MTCL1: variants seen among roughly 807,000 people sequenced by gnomAD.
MTCL1 encodes the protein microtubule cross-linking factor 1.
In MTCL1, 79 loss-of-function variants were observed where a neutral mutation model predicts 141.4. That is an observed-to-expected ratio of 0.56 (90% confidence interval 0.47 to 0.67). MTCL1 has a LOEUF of 0.67. Among genes scored for constraint, MTCL1 ranks in the 30% least tolerant of loss-of-function variants. The probability of loss-of-function intolerance (pLI) is 0.00; values close to 1 mark genes in which losing one functional copy is unlikely to be tolerated. For missense variants in MTCL1, 2,177 were observed against 2,113.9 expected, an observed-to-expected ratio of 1.03 and a Z score of -0.59; for synonymous variants, 914 against 875.8, an observed-to-expected ratio of 1.04 and a Z score of -0.77.
intron 10 of MTCL1, among the ~76,000 whole-genome samples, chr18:8,806,612 C>T (rs572034142): frequency 1.8e-4 from 27 of 152,260 alleles, no homozygotes; most frequent in Admixed American, 3.9e-4. Context: ...GCCCAGGTTC[C>T]GGCGTCTGAA....
chr18:8,794,738 T>C (rs2075855020), intron 8 of MTCL1, among the ~76,000 whole-genome samples: 1 of 152,220 alleles, frequency 6.6e-6, no homozygotes, highest in Non-Finnish European at 1.5e-5. Context: ...GTTTTGTTTC[T>C]TAGATTATAG....
intron 4 of MTCL1, among the ~76,000 whole-genome samples, chr18:8,740,917 C>A (rs966580518): frequency 1.3e-5 from 2 of 152,162 alleles, no homozygotes; most frequent in Non-Finnish European, 2.9e-5. Flanking sequence ...TCCTAGTTGC[C>A]CTTACATTTG....
Position 8,705,977 on chromosome 18 carries a change from G to T in MTCL1, c.317G>T (p.Gly106Val). 8.8e-7 allele frequency: 1 copy of T among 1,136,324 alleles called. No individual in the cohort carries two copies. Among genetic ancestry groups the T allele is most frequent in the Non-Finnish European group, 1.1e-6 (1 of 928,540 alleles). The allele number at this position is 1,136,324 out of a possible 1,614,324, so 70.4% of individuals were successfully genotyped here. The change falls in exon 1 of 14, where the codon GGC becomes GTC. Residue 106 changes from glycine to valine, a missense_variant. By Grantham distance (109) the Gly-to-Val change is moderately radical (BLOSUM62 -3). Transcript: ENST00000306329. This position sits in a 1 kb window ranked among gnomAD's most constrained non-coding sequence, Gnocchi z 5.2. ...TCTCGGCGCAGTGGCGGCGTCCCGG[G>T]CGCGAAGGACAAGCCCCCGCCGGGC...
At chr18:8,793,244 C>T (rs1056357766) in intron 8 of MTCL1, 124 bp downstream of exon 7, 13 of 1,352,538 alleles carry the variant, frequency 9.6e-6, no homozygotes, top group Middle Eastern at 1.9e-4. Context: ...CTCCTGGGCA[C>T]GTATGGAAAG....
upstream of MTCL1, among the ~76,000 whole-genome samples, chr18:8,713,197 A>G (rs138004270): frequency 8.1e-3 from 1,227 of 152,310 alleles, 12 homozygotes; most frequent in Middle Eastern, 0.017. Flanking sequence ...ACTGGACTTC[A>G]CAGTACTTCA....
intron 4 of MTCL1, among the ~76,000 whole-genome samples, chr18:8,726,519 G>GAT (rs2096215050): frequency 8.2e-6 from 1 of 121,818 alleles, no homozygotes; most frequent in Non-Finnish European, 1.6e-5. Flanking sequence ...AAGAGCGAGC[G>GAT]AGAGAGAGCG....
At chr18:8,778,221 C>T (rs1598612875) in intron 5 of MTCL1, among the ~76,000 whole-genome samples, 1 of 152,338 alleles carries the variant, frequency 6.6e-6, no homozygotes, top group African/African-American at 2.4e-5. Flanking sequence ...AAGTCATCCA[C>T]ACAGTGAAAT....
At chr18:8,763,728 C>T (rs531746302) in intron 4 of MTCL1, among the ~76,000 whole-genome samples, 117 of 152,290 alleles carry the variant, frequency 7.7e-4, no homozygotes, top group Non-Finnish European at 1.1e-3. Context: ...TAATTAGGTC[C>T]TAATAGCAGG....
At chr18:8,746,193 A>G (rs1180677687) in intron 4 of MTCL1, among the ~76,000 whole-genome samples, 1 of 152,226 alleles carries the variant, frequency 6.6e-6, no homozygotes, top group Non-Finnish European at 1.5e-5. Flanking sequence ...AGCTGCTATG[A>G]ACGTGAGCAT....
chr18:8,809,641 TAG>T (rs2076413882), intron 11 of MTCL1: 1 of 1,518,346 alleles, frequency 6.6e-7, no homozygotes, highest in Non-Finnish European at 8.8e-7. Flanking sequence ...ACGGAGCAAG[TAG>T]AGAGTGGCCG....
upstream of MTCL1, among the ~76,000 whole-genome samples, chr18:8,714,361 T>C (rs2096113138): frequency 6.6e-6 from 1 of 152,244 alleles, no homozygotes; most frequent in African/African-American, 2.4e-5. Context: ...ACGCCTGTTC[T>C]GTAAATTTAG....
chr18:8,708,115 C>G (rs547967304), intron 1 of MTCL1, among the ~76,000 whole-genome samples: 37 of 152,212 alleles, frequency 2.4e-4, no homozygotes, highest in African/African-American at 5.8e-4. Flanking sequence ...GAAAGCAGCT[C>G]TTTTGTAAAT....
rs1310790665 is a variant in MTCL1, at chr18:8,779,390, G to A, written c.417+1498G>A. Among the ~76,000 whole-genome samples, 1 of 152,166 alleles carries A rather than the reference G, an allele frequency of 6.6e-6. No homozygotes were observed. Among genetic ancestry groups the A allele is most frequent in the African/African-American group, 2.4e-5 (1 of 41,434 alleles). On this transcript the variant is annotated intron_variant, in intron 5 of 16. Transcript: ENST00000359865. The surrounding 1 kb of genome is among the most constrained non-coding windows in gnomAD (Gnocchi z 4.1). ...TCGAAACCAGAAATGATATGCTTCA[G>A]TTTAGACTCGGCCTTGAACCCCCGC...
At chr18:8,827,036 C>T (rs1346846406) in intron 15 of MTCL1, among the ~76,000 whole-genome samples, 2 of 152,214 alleles carry the variant, frequency 1.3e-5, no homozygotes, top group Non-Finnish European at 2.9e-5. Flanking sequence ...CTTTGTGGTT[C>T]GTGCAGCACA....
At chr18:8,814,246 T>C (rs2076579645) in intron 12 of MTCL1, among the ~76,000 whole-genome samples, 1 of 152,152 alleles carries the variant, frequency 6.6e-6, no homozygotes, top group Non-Finnish European at 1.5e-5. Context: ...ACCAAGAGGC[T>C]TTGGCTTGGA....
At chr18:8,758,265 C>T (rs1254909092) in intron 4 of MTCL1, among the ~76,000 whole-genome samples, 4 of 152,024 alleles carry the variant, frequency 2.6e-5, no homozygotes, top group South Asian at 2.1e-4. Context: ...TTAGGTGATC[C>T]GCCTGCCTCG....
intron 4 of MTCL1, among the ~76,000 whole-genome samples, chr18:8,756,838 C>T (rs2096404407): frequency 6.6e-6 from 1 of 152,140 alleles, no homozygotes; most frequent in African/African-American, 2.4e-5. Flanking sequence ...ATTTAGTGGG[C>T]AAGGTCTCCT....
Position 8,812,969 on chromosome 18 carries a change from T to C in MTCL1, c.2605-10T>C, listed in dbSNP as rs2076535754. The C allele has an allele frequency of 6.2e-7, 1 of 1,605,602 alleles. No homozygotes were observed. Among genetic ancestry groups the C allele is most frequent in the African/African-American group, 1.3e-5 (1 of 74,734 alleles). ...AGAGAGGGAATTCCTAAGTCTCTTC[T>C]CCTTGACAGCTGGAAGAGAAGACTG... On this transcript the variant is annotated splice_polypyrimidine_tract_variant and intron_variant, in intron 11 of 16. Coordinates refer to ENST00000359865, the Ensembl canonical transcript of MTCL1.
At chr18:8,731,447 G>A (rs1042301451) in intron 4 of MTCL1, among the ~76,000 whole-genome samples, 3 of 151,694 alleles carry the variant, frequency 2.0e-5, no homozygotes, top group Admixed American at 6.6e-5. Flanking sequence ...GGTGGCAGGC[G>A]TCTGTAATCC....
Sources: allele counts gnomAD v4.1 joint callset (sites outside exome capture counted in the v4.1 genomes callset), GRCh38; gene constraint gnomAD v4.1.1; non-coding constraint Gnocchi (gnomAD v3.1); transcripts MANE v1.5; gene names NCBI Gene and HGNC (gene_info 2026-07-23, HGNC 2026-07-21).